Variants in RAPGEF2 observed in about 807,000 individuals in gnomAD.
The protein encoded by RAPGEF2 is Rap guanine nucleotide exchange factor 2.
In RAPGEF2, 54 loss-of-function variants were observed where a neutral mutation model predicts 186.7. That is an observed-to-expected ratio of 0.29 (90% CI 0.23 to 0.36). RAPGEF2 has a LOEUF of 0.36. Among genes scored for constraint, RAPGEF2 ranks in the 10% least tolerant of loss-of-function variants. RAPGEF2 has a pLI of 1.00. For synonymous variants in RAPGEF2, 712 were observed against 705.9 expected (o/e 1.01, Z -0.14); for missense variants, 1,532 against 2,045.0 (o/e 0.75, Z 4.84).
chr4:159,243,893 T>C, intron 7 of RAPGEF2, 102 bp downstream of exon 7: 1 of 903,818 alleles, frequency 1.1e-6, no homozygotes, highest in South Asian at 1.4e-5. Context: ...TTGCTTCGTC[T>C]TGTCCTTCTG....
chr4:159,260,433 A>G (rs1011026385), intron 7 of RAPGEF2, among the ~76,000 whole-genome samples: 4 of 151,974 alleles, frequency 2.6e-5, no homozygotes, highest in East Asian at 1.9e-4. Context: ...TTTTTTTCCT[A>G]TGATTCTATA....
chr4:159,156,480 T>C (rs1279353566), intron 1 of RAPGEF2, among the ~76,000 whole-genome samples: 2 of 152,112 alleles, frequency 1.3e-5, no homozygotes, highest in East Asian at 1.9e-4. Flanking sequence ...GGAACTTTTT[T>C]TTTGCATTTA....
chr4:159,172,629 A>G (rs1032288980), intron 1 of RAPGEF2, among the ~76,000 whole-genome samples: 3 of 152,296 alleles, frequency 2.0e-5, no homozygotes, highest in African/African-American at 7.2e-5. Context: ...CACATGTACA[A>G]TTTTAAGTTG....
intron 26 of RAPGEF2, chr4:159,351,205 G>A (rs1247023626): frequency 1.3e-6 from 2 of 1,528,938 alleles, no homozygotes; most frequent in Admixed American, 2.0e-5. Context: ...AACCAAAAAT[G>A]GGGTGGGAAA....
intron 26 of RAPGEF2, 83 bp downstream of exon 26, chr4:159,350,372 A>G (rs902212683): frequency 1.7e-6 from 2 of 1,155,646 alleles, no homozygotes; most frequent in Middle Eastern, 2.7e-4. Flanking sequence ...TGTATTACAT[A>G]ATTCCTAACA....
At chr4:159,154,739 G>A (rs1344585944) in intron 1 of RAPGEF2, among the ~76,000 whole-genome samples, 2 of 152,070 alleles carry the variant, frequency 1.3e-5, no homozygotes, top group Non-Finnish European at 2.9e-5. Context: ...GACATAGAGG[G>A]AATTGGTGAC....
At position 159,241,374 on chromosome 4, in the gene RAPGEF2, T is replaced by C. The variant is rs1753963897; in HGVS notation, c.525+6T>C. On this transcript the variant is annotated splice_donor_region_variant and intron_variant, in intron 6 of 29. Coordinates refer to ENST00000691494, the MANE Select transcript of RAPGEF2 (RefSeq NM_001394067.2). ...TGCCTAGAGGCTATCACACGGTAAG[T>C]TATACAAGTATAATATTTTTATTTA... The C allele has an allele frequency of 2.2e-6, 3 of 1,387,200 alleles. No individual in the cohort carries two copies. Among genetic ancestry groups the C allele is most frequent in the Non-Finnish European group, 1.9e-6 (2 of 1,068,210 alleles). 85.9% of individuals were successfully genotyped at this position (1,387,200 alleles called of 1,614,324 possible).
At chr4:159,141,711 C>T (rs1461921335) in intron 1 of RAPGEF2, among the ~76,000 whole-genome samples, 1 of 152,134 alleles carries the variant, frequency 6.6e-6, no homozygotes, top group Non-Finnish European at 1.5e-5. Flanking sequence ...GATGGATTTT[C>T]ATTAAACTTT....
Position 159,346,997 on chromosome 4 carries a change from T to C in RAPGEF2, c.3711T>C (p.Phe1237=), listed in dbSNP as rs1452162605. 2 of 1,610,422 alleles carry C rather than the reference T, an allele frequency of 1.2e-6. No homozygotes were observed. Among genetic ancestry groups the C allele is most frequent in the African/African-American group, 2.7e-5 (2 of 74,830 alleles). The part of the protein sequence containing the change: ...KKVPVKDLPP[F]GINSPQALKK... Reference sequence around the variant, plus strand: ...TGCCCGTAAAGGATCTCCCACCTTTTGGTAAGTGATTACATTCATTTCTTT... The same window carrying C: ...TGCCCGTAAAGGATCTCCCACCTTTCGGTAAGTGATTACATTCATTTCTTT... Residue 1237 remains phenylalanine (F), a splice_region_variant and synonymous_variant, in exon 25 of 30, where the codon TTT becomes TTC. Transcript: ENST00000691494.
intron 1 of RAPGEF2, among the ~76,000 whole-genome samples, chr4:159,172,905 C>G (rs1237721045): frequency 8.9e-6 from 1 of 112,000 alleles, no homozygotes; most frequent in Non-Finnish European, 1.8e-5. Context: ...GCACCCTTTC[C>G]CTAAATAGTT....
At chr4:159,108,257 C>T (rs1281032019) in intron 1 of RAPGEF2, among the ~76,000 whole-genome samples, 1 of 152,120 alleles carries the variant, frequency 6.6e-6, no homozygotes, top group Non-Finnish European at 1.5e-5. Context: ...TTAACAGTTC[C>T]ATAATTAGCT....
At chr4:159,166,395 T>TG (rs1233267895) in intron 1 of RAPGEF2, among the ~76,000 whole-genome samples, 2 of 152,192 alleles carry the variant, frequency 1.3e-5, no homozygotes, top group African/African-American at 4.8e-5. Flanking sequence ...AGACTGGGTG[T>TG]GGCAGAGGCC....
rs181613339 is a variant in RAPGEF2 at position 159,260,512 on chromosome 4, C to T, written c.543+16721C>T. On this transcript the variant is annotated intron_variant, in intron 7 of 29. Coordinates refer to ENST00000691494, the MANE Select transcript of RAPGEF2 (RefSeq NM_001394067.2). Reference sequence around the variant, plus strand: ...TGGTAACTGCCATGTTAGATAAGACCACCTTAAGAGTGTGAAAGGATTTAA... The same window carrying T: ...TGGTAACTGCCATGTTAGATAAGACTACCTTAAGAGTGTGAAAGGATTTAA... 2.0e-5 allele frequency among the ~76,000 whole-genome samples: 3 copies of T among 152,144 alleles called. No homozygotes were observed. The East Asian group carries it at 5.8e-4, about 29-fold the overall frequency.
intron 5 of RAPGEF2, 49 bp from the exon 6 acceptor site, chr4:159,241,152 A>T: frequency 7.4e-7 from 1 of 1,343,940 alleles, no homozygotes; most frequent in East Asian, 2.7e-5. Context: ...TAATATTAAT[A>T]GGAAATGTTG....
At chr4:159,318,278 T>C (rs573759217) in intron 9 of RAPGEF2, among the ~76,000 whole-genome samples, 2 of 152,342 alleles carry the variant, frequency 1.3e-5, no homozygotes, top group South Asian at 4.1e-4. Flanking sequence ...AAATAAAATA[T>C]GTGTGAGAAC....
At chr4:159,202,399 CTTTCTG>C (rs1180176785) in intron 3 of RAPGEF2, among the ~76,000 whole-genome samples, 2 of 152,144 alleles carry the variant, frequency 1.3e-5, no homozygotes, top group African/African-American at 2.4e-5. Flanking sequence ...GGGCACCATT[CTTTCTG>C]TTTCTGTTTA....
At position 159,195,904 on chromosome 4, in the gene RAPGEF2, T is replaced by TTTC. The variant is rs1332913499; in HGVS notation, c.197+2648_197+2649insTTC. 7.5e-4 allele frequency among the ~76,000 whole-genome samples: 97 copies of TTTC among 128,870 alleles called. 2 individuals are homozygous for TTTC. The highest frequency in any genetic ancestry group is 3.0e-3 in the African/African-American group (90 of 29,544). The allele number at this position is 128,870 out of a possible 152,430, so 84.5% of individuals were successfully genotyped here. A position where few individuals can be genotyped will look rare whatever the true frequency, so the allele number is the denominator to read the frequency against. On this transcript the variant is annotated intron_variant, in intron 3 of 29. Transcript: ENST00000691494. ...TTTTTTTTTTTTTTTTTTTTTTTTT[T>TTTC]CCCCAAGTAGGCTTAGAGGTTTAGA...
intron 1 of RAPGEF2, among the ~76,000 whole-genome samples, chr4:159,162,259 G>A (rs768427065): frequency 6.7e-6 from 1 of 149,632 alleles, no homozygotes; most frequent in Non-Finnish European, 1.5e-5. Context: ...ATGTGGTAGC[G>A]TGTACTTGTA....
At chr4:159,333,072 C>T (rs1240150187) in intron 17 of RAPGEF2, among the ~76,000 whole-genome samples, 3 of 152,002 alleles carry the variant, frequency 2.0e-5, no homozygotes, top group Admixed American at 2.0e-4. Context: ...CTGTGCCGCC[C>T]AGGTTCAAGT....
Sources: gnomAD v4.1 joint callset for allele counts (sites outside exome capture counted in the v4.1 genomes callset) on GRCh38, gnomAD v4.1.1 for gene constraint, MANE v1.5 for transcripts, NCBI Gene and HGNC (gene_info 2026-07-23, HGNC 2026-07-21) for gene names.